Variants in USP49 observed in about 807,000 individuals in gnomAD.
USP49 encodes ubiquitin carboxyl-terminal hydrolase 49.
In USP49, 24 loss-of-function variants were observed where a neutral mutation model predicts 58.6. That is an observed-to-expected ratio of 0.41 (90% CI 0.30 to 0.58). USP49 has a LOEUF of 0.58. USP49 is among the 20% of genes least tolerant of loss of function. USP49 has a pLI of 0.30. For synonymous variants in USP49, 408 were observed against 365.1 expected (o/e 1.12, Z -1.34); for missense variants, 703 against 866.1 (o/e 0.81, Z 2.36).
rs1278326137 is a variant in USP49, at chr6:41,793,074, T to C, written c.*3459A>G. 6.6e-6 allele frequency: 1 copy of C among 152,196 alleles called. No homozygotes were observed. Among genetic ancestry groups the C allele is most frequent in the Non-Finnish European group, 1.5e-5 (1 of 68,076 alleles). 9.4% of individuals were successfully genotyped at this position (152,196 alleles called of 1,614,324 possible). ...CACCTCATTGGTTCTTCCCTTGTACTTGGATGAAGCTGTAAGCACAGCCAG... is the reference window on the plus strand; with the variant it reads ...CACCTCATTGGTTCTTCCCTTGTACCTGGATGAAGCTGTAAGCACAGCCAG... On this transcript the variant is annotated 3_prime_UTR_variant, in exon 8 of 8. Transcript: ENST00000682992.
chr6:41,837,152 C>T (rs931142145), intron 3 of USP49, among the ~76,000 whole-genome samples: 16 of 152,014 alleles, frequency 1.1e-4, no homozygotes, highest in African/African-American at 1.9e-4. Flanking sequence ...GAATAGCCAA[C>T]GCAATCATAA....
At chr6:41,817,393 G>A (rs555927804) in intron 3 of USP49, among the ~76,000 whole-genome samples, 250 of 148,314 alleles carry the variant, frequency 1.7e-3, no homozygotes, top group African/African-American at 5.9e-3. Context: ...TGATCCACCC[G>A]ACTCGGCCTC....
Position 41,806,489 on chromosome 6 carries a change from G to A in USP49, c.495C>T (p.Gly165=). The A allele has an allele frequency of 2.5e-6, 4 of 1,598,100 alleles. No homozygotes were observed. Among genetic ancestry groups the A allele is most frequent in the African/African-American group, 1.3e-5 (1 of 75,016 alleles). The change falls in exon 4 of 8, where the codon GGC becomes GGT. Residue 165 remains glycine (G), a synonymous_variant. Coordinates refer to ENST00000682992, the MANE Select transcript of USP49 (RefSeq NM_001286554.2). This position sits in a 1 kb window ranked among gnomAD's most constrained non-coding sequence, Gnocchi z 5.9. ...LRLWFEKSSR[G]QAKLEQRRQE... ...GCCGCCGCTGCTCCAGCTTCGCCTG[G>A]CCCCGGGAGCTCTTCTCGAACCACA... is the stretch of plus-strand genomic sequence containing the variant.
At chr6:41,825,890 T>C (rs1322435299) in intron 3 of USP49, among the ~76,000 whole-genome samples, 3 of 152,240 alleles carry the variant, frequency 2.0e-5, no homozygotes, top group Non-Finnish European at 4.4e-5. Flanking sequence ...TCAAACCACC[T>C]AATTTAGCTA....
chr6:41,804,029 T>C lies in USP49; in HGVS notation c.1357-19A>G. ...ATGTGACCTAGAATGAAAAGATTGA[T>C]TTACAGATTATATAACTTCCATGCT... On this transcript the variant is annotated intron_variant, in intron 4 of 7. Transcript: ENST00000682992. The C allele has an allele frequency of 6.2e-7, 1 of 1,608,762 alleles. No homozygotes were observed. Among genetic ancestry groups the C allele is most frequent in the Non-Finnish European group, 8.5e-7 (1 of 1,176,404 alleles).
intron 3 of USP49, among the ~76,000 whole-genome samples, chr6:41,821,396 A>G (rs1773450360): frequency 6.6e-6 from 1 of 152,196 alleles, no homozygotes; most frequent in Non-Finnish European, 1.5e-5. Flanking sequence ...GGAGGGCATG[A>G]AGCCACTTTA....
At position 41,791,234 on chromosome 6, in the gene USP49, G is replaced by A. The variant is rs931078178; in HGVS notation, c.*5299C>T. 2.0e-5 allele frequency: 3 copies of A among 152,168 alleles called. No individual in the cohort carries two copies. The highest frequency in any genetic ancestry group is 7.2e-5 in the African/African-American group (3 of 41,442). 9.4% of individuals were successfully genotyped at this position (152,168 alleles called of 1,614,324 possible). ...TGTTTACTGTTGGTTGGGTTTTAAA[G>A]CCATAATTATGGTTGAGTAAGGATT... On this transcript the variant is annotated 3_prime_UTR_variant, in exon 8 of 8. Transcript: ENST00000682992.
Position 41,877,320 on chromosome 6 carries a change from A to C in USP49, c.-102-5683T>G, listed in dbSNP as rs570636486. On this transcript the variant is annotated intron_variant, in intron 2 of 7. Coordinates refer to ENST00000682992, the MANE Select transcript of USP49 (RefSeq NM_001286554.2). ...AATCTAGGTGGTAAAAATGCTGTTC[A>C]TTTGCCACATTAATTGACTTCTTAG... Among the ~76,000 whole-genome samples, 12 of 152,324 alleles carry C rather than the reference A, an allele frequency of 7.9e-5. 1 individual carries two copies. In the South Asian group the frequency reaches 2.5e-3, roughly 32 times the overall value.
chr6:41,837,179 G>C (rs1773742950), intron 3 of USP49, among the ~76,000 whole-genome samples: 1 of 152,106 alleles, frequency 6.6e-6, no homozygotes, highest in African/African-American at 2.4e-5. Flanking sequence ...GAACAAAGCT[G>C]GAGGCATCAC....
rs1406210535 is a variant in USP49, at chr6:41,790,044, CATTTT to C, written c.*6484_*6488del. The stretch of plus-strand genomic sequence containing the variant: ...GGATTTTAATGGAGGTGGTTTGCTT[CATTTT>C]AAAAGGGAAAAAAAAAAAAGGAAGC... On this transcript the variant is annotated 3_prime_UTR_variant, in exon 8 of 8. Transcript: ENST00000682992. The C allele has an allele frequency of 1.3e-5, 2 of 150,272 alleles. No individual in the cohort carries two copies. The highest frequency in any genetic ancestry group is 3.0e-5 in the Non-Finnish European group (2 of 67,702). 9.3% of individuals were successfully genotyped at this position (150,272 alleles called of 1,614,324 possible).
rs1317853257 is a variant in USP49 at position 41,891,863 on chromosome 6, C to T, written c.-172G>A. 1 of 152,056 alleles carries T rather than the reference C, an allele frequency of 6.6e-6. No individual in the cohort carries two copies. The highest frequency in any genetic ancestry group is 1.9e-4 in the East Asian group (1 of 5,190). 9.4% of individuals were successfully genotyped at this position (152,056 alleles called of 1,614,324 possible). On this transcript the variant is annotated 5_prime_UTR_variant, in exon 2 of 8. Coordinates refer to ENST00000682992, the MANE Select transcript of USP49 (RefSeq NM_001286554.2). ...CTAGAGGTCCTTTCAAGGTCTCTTCCCATCCAAAGAATCTACGGTTAACCA... is the reference window on the plus strand; with the variant it reads ...CTAGAGGTCCTTTCAAGGTCTCTTCTCATCCAAAGAATCTACGGTTAACCA...
At chr6:41,855,805 T>C (rs1174256733) in intron 3 of USP49, among the ~76,000 whole-genome samples, 2 of 152,076 alleles carry the variant, frequency 1.3e-5, no homozygotes, top group Non-Finnish European at 2.9e-5. Flanking sequence ...CCCAGCACTT[T>C]GGGAGGCTGA....
intron 3 of USP49, among the ~76,000 whole-genome samples, chr6:41,811,312 G>A (rs376600019): frequency 4.5e-4 from 68 of 152,118 alleles, no homozygotes; most frequent in African/African-American, 1.1e-3. Context: ...CTGAGGTTTC[G>A]GTCACCTGTG....
chr6:41,862,307 G>A (rs556181541), intron 3 of USP49, among the ~76,000 whole-genome samples: 203 of 152,296 alleles, frequency 1.3e-3, no homozygotes, highest in Non-Finnish European at 2.3e-3. Flanking sequence ...AGTAGTATTT[G>A]AGAATGCATT....
intron 1 of USP49, chr6:41,894,059 C>A (rs1055584074): frequency 6.6e-6 from 1 of 152,378 alleles, no homozygotes; most frequent in East Asian, 1.9e-4. Context: ...TTCCCACCCC[C>A]CTGCAGTCTA....
intron 3 of USP49, among the ~76,000 whole-genome samples, chr6:41,812,756 A>T (rs1050817037): frequency 3.9e-5 from 6 of 152,338 alleles, no homozygotes; most frequent in African/African-American, 1.2e-4. Context: ...CTTCATAGAA[A>T]TCAAAGAAAG....
At chr6:41,808,032 C>T (rs535254554) in intron 3 of USP49, among the ~76,000 whole-genome samples, 4 of 151,676 alleles carry the variant, frequency 2.6e-5, no homozygotes, top group South Asian at 2.1e-4. Context: ...CCGCCTCAGC[C>T]TCCTAAAGTG....
intron 2 of USP49, among the ~76,000 whole-genome samples, chr6:41,886,700 C>T (rs1219227796): frequency 6.6e-6 from 1 of 152,178 alleles, no homozygotes; most frequent in African/African-American, 2.4e-5. Flanking sequence ...AGTTTGAGAC[C>T]AACCTGGCCA....
intron 3 of USP49, among the ~76,000 whole-genome samples, chr6:41,849,537 AAT>A (rs1159822423): frequency 2.6e-5 from 4 of 152,200 alleles, no homozygotes; most frequent in African/African-American, 9.7e-5. Context: ...AGGAAAGACC[AAT>A]GTTAGGCCAC....
Sources: allele counts gnomAD v4.1 joint callset (sites outside exome capture counted in the v4.1 genomes callset), GRCh38; gene constraint gnomAD v4.1.1; non-coding constraint Gnocchi (gnomAD v3.1); transcripts MANE v1.5; gene names NCBI Gene and HGNC (gene_info 2026-07-23, HGNC 2026-07-21).